Variants in C1orf21 observed in about 807,000 individuals in gnomAD.
C1orf21 encodes the protein chromosome 1 open reading frame 21, also known as uncharacterized protein C1orf21.
A neutral mutation model predicts 18.7 loss-of-function variants in C1orf21; 3 were observed. The observed-to-expected ratio is 0.16, with a 90% CI of 0.07 to 0.42. C1orf21 has a LOEUF of 0.42. C1orf21 is among the 10% of genes least tolerant of loss of function. C1orf21 has a pLI of 0.99. For synonymous variants in C1orf21, 41 were observed against 46.4 expected, an observed-to-expected ratio of 0.88 and a Z score of 0.47; for missense variants, 104 against 143.6, an observed-to-expected ratio of 0.72 and a Z score of 1.41.
chr1:184,463,082 CAAAAAAAAAA>C (rs397982231), intron 1 of C1orf21, among the ~76,000 whole-genome samples: 2 of 80,318 alleles, frequency 2.5e-5, no homozygotes, highest in Non-Finnish European at 5.1e-5. Context: ...GACTCCATCT[CAAAAAAAAAA>C]AAAAAAAAAA....
chr1:184,436,843 A>G (rs548161410), intron 1 of C1orf21, among the ~76,000 whole-genome samples: 2 of 152,324 alleles, frequency 1.3e-5, no homozygotes, highest in South Asian at 2.1e-4. Context: ...GGTGACAGCC[A>G]TAATGAGGGA....
intron 5 of C1orf21, among the ~76,000 whole-genome samples, chr1:184,604,791 G>T (rs1659627919): frequency 6.6e-6 from 1 of 152,224 alleles, no homozygotes; most frequent in African/African-American, 2.4e-5. Context: ...AGTAGTAGAT[G>T]AGTCTGTCAA....
At chr1:184,563,132 C>A (rs889415316) in intron 3 of C1orf21, among the ~76,000 whole-genome samples, 7 of 152,146 alleles carry the variant, frequency 4.6e-5, no homozygotes, top group Non-Finnish European at 8.8e-5. Context: ...TCTTTGCTTC[C>A]TCTATATTAG....
In C1orf21 at chr1:184,458,489, A is replaced by G. The variant is rs1054430815; in HGVS notation, c.-124-18897A>G. ...AGGGAGTTAATGTCTTTACTTCTAG[A>G]TCTAGACTATTTGAAGCCATAAGAA... On this transcript the variant is annotated intron_variant, in intron 1 of 5. Coordinates refer to ENST00000235307, the MANE Select transcript of C1orf21 (RefSeq NM_030806.4). Among the ~76,000 whole-genome samples, 12 of 152,150 alleles carry G rather than the reference A, an allele frequency of 7.9e-5. 1 individual carries two copies. The highest frequency in any genetic ancestry group is 5.9e-4 in the Admixed American group (9 of 15,260).
At chr1:184,586,531 C>T (rs2101997216) in intron 3 of C1orf21, among the ~76,000 whole-genome samples, 1 of 152,244 alleles carries the variant, frequency 6.6e-6, no homozygotes, top group Non-Finnish European at 1.5e-5. Flanking sequence ...GATCCGCCCG[C>T]CTCGGCCTCC....
chr1:184,388,737 C>T (rs183228395), intron 1 of C1orf21, among the ~76,000 whole-genome samples: 178 of 151,934 alleles, frequency 1.2e-3, no homozygotes, highest in African/African-American at 4.0e-3. Context: ...GGTTCAGCTT[C>T]TGCCTAATAG....
rs1040489170 is a variant in C1orf21 at position 184,587,420 on chromosome 1, C to T, written c.190-3319C>T. Among the ~76,000 whole-genome samples, 8 of 151,786 alleles carry T rather than the reference C, an allele frequency of 5.3e-5. No individual in the cohort carries two copies. In the South Asian group the frequency reaches 6.2e-4, roughly 12 times the overall value. On this transcript the variant is annotated intron_variant, in intron 3 of 5. Coordinates refer to ENST00000235307, the MANE Select transcript of C1orf21 (RefSeq NM_030806.4). Reference sequence around the variant, plus strand: ...AATATTGATTCTTTCTATCCATAAACGTGGAATGTTTTTTCCACTTGCGTC... The same window carrying T: ...AATATTGATTCTTTCTATCCATAAATGTGGAATGTTTTTTCCACTTGCGTC...
At chr1:184,584,621 G>A (rs1344409769) in intron 3 of C1orf21, among the ~76,000 whole-genome samples, 1 of 152,182 alleles carries the variant, frequency 6.6e-6, no homozygotes, top group Non-Finnish European at 1.5e-5. Context: ...CTATCTGAAT[G>A]TTCATAACAT....
intron 3 of C1orf21, among the ~76,000 whole-genome samples, chr1:184,552,619 A>T (rs1658828054): frequency 6.6e-6 from 1 of 152,130 alleles, no homozygotes; most frequent in Non-Finnish European, 1.5e-5. Context: ...TCATGGTGAA[A>T]AAAAGGGAAT....
At chr1:184,512,801 T>G (rs1658169925) in intron 3 of C1orf21, among the ~76,000 whole-genome samples, 1 of 152,206 alleles carries the variant, frequency 6.6e-6, no homozygotes, top group Admixed American at 6.5e-5. Context: ...CCTCAGACCC[T>G]GGACCAGTAC....
chr1:184,530,907 G>A (rs1161892267), intron 3 of C1orf21, among the ~76,000 whole-genome samples: 1 of 151,896 alleles, frequency 6.6e-6, no homozygotes, highest in African/African-American at 2.4e-5. Context: ...TGGCATTGTG[G>A]TAATATTGAT....
chr1:184,456,082 C>G (rs1332377367), intron 1 of C1orf21, among the ~76,000 whole-genome samples: 3 of 152,168 alleles, frequency 2.0e-5, no homozygotes, highest in African/African-American at 7.2e-5. Flanking sequence ...GTTAAAGCAG[C>G]CTTCCTTGGG....
intron 3 of C1orf21, among the ~76,000 whole-genome samples, chr1:184,533,317 C>A (rs558256949): frequency 1.3e-5 from 2 of 152,220 alleles, no homozygotes; most frequent in Admixed American, 1.3e-4. Context: ...ATATCATAAT[C>A]GTAATTAAAG....
At chr1:184,592,842 A>G (rs956887863) in intron 4 of C1orf21, among the ~76,000 whole-genome samples, 13 of 152,166 alleles carry the variant, frequency 8.5e-5, no homozygotes, top group Non-Finnish European at 1.6e-4. Context: ...GGGGGTAGGT[A>G]ATGGGCTCTG....
chr1:184,500,178 C>T (rs1452044066), intron 2 of C1orf21, among the ~76,000 whole-genome samples: 1 of 152,180 alleles, frequency 6.6e-6, no homozygotes, highest in East Asian at 1.9e-4. Flanking sequence ...GTTTGCAGTG[C>T]ACCTTCCTAA....
At chr1:184,564,449 A>G (rs1185895646) in intron 3 of C1orf21, among the ~76,000 whole-genome samples, 1 of 152,148 alleles carries the variant, frequency 6.6e-6, no homozygotes, top group Non-Finnish European at 1.5e-5. Context: ...TTGGGACTAC[A>G]GGAATGCACC....
chr1:184,602,120 A>G (rs1204666466), intron 5 of C1orf21, among the ~76,000 whole-genome samples: 2 of 152,128 alleles, frequency 1.3e-5, no homozygotes, highest in African/African-American at 4.8e-5. Flanking sequence ...CATCACCACC[A>G]CCACCATCCT....
chr1:184,560,253 A>G (rs1658943544), intron 3 of C1orf21, among the ~76,000 whole-genome samples: 1 of 152,362 alleles, frequency 6.6e-6, no homozygotes, highest in Non-Finnish European at 1.5e-5. Context: ...AAGACATAAT[A>G]GTAATGTGCC....
At position 184,544,807 on chromosome 1, in the gene C1orf21, A is replaced by C. The variant is rs1319567764; in HGVS notation, c.189+37125A>C. 2.6e-5 allele frequency among the ~76,000 whole-genome samples: 4 copies of C among 152,306 alleles called. No individual in the cohort carries two copies. The South Asian group carries it at 8.3e-4, about 32-fold the overall frequency. ...CAAACTGTGGGCAGCAGCTGCATTC[A>C]TCTCAAAGCTCAAGTGGGGCAGGGG... On this transcript the variant is annotated intron_variant, in intron 3 of 5. Coordinates refer to ENST00000235307, the MANE Select transcript of C1orf21 (RefSeq NM_030806.4).
Sources: gnomAD v4.1 joint callset for allele counts (sites outside exome capture counted in the v4.1 genomes callset) on GRCh38, gnomAD v4.1.1 for gene constraint, MANE v1.5 for transcripts, NCBI Gene and HGNC (gene_info 2026-07-23, HGNC 2026-07-21) for gene names.